Variants in FBXO25 observed in about 807,000 individuals in gnomAD.
The protein encoded by FBXO25 is F-box protein 25.
In FBXO25, 45 loss-of-function variants were observed where a neutral mutation model predicts 51.9. That is an observed-to-expected ratio of 0.87 (90% CI 0.68 to 1.11). The LOEUF is 1.11. FBXO25 is among the 50% of genes most tolerant of loss of function. The probability of loss-of-function intolerance (pLI) is 0.00; values close to 1 mark genes in which losing one functional copy is unlikely to be tolerated. For synonymous variants in FBXO25, 199 were observed against 151.0 expected (o/e 1.32, Z -2.33); for missense variants, 507 against 428.5 (o/e 1.18, Z -1.62).
rs917192160 is a variant in FBXO25 at position 470,981 on chromosome 8, G to C, written c.*2177G>C. 3 of 152,050 alleles carry C rather than the reference G, an allele frequency of 2.0e-5. No individual in the cohort carries two copies. Among genetic ancestry groups the C allele is most frequent in the Admixed American group, 6.5e-5 (1 of 15,280 alleles). The allele number at this position is 152,050 out of a possible 1,614,324, so 9.4% of individuals were successfully genotyped here. On this transcript the variant is annotated 3_prime_UTR_variant, in exon 10 of 10. Transcript: ENST00000350302. The stretch of plus-strand genomic sequence containing the variant: ...AAGTTGTGGTTCTTTCCCCTAATTT[G>C]TCATATACTGTTACTGTCATTTAAT...
intron 5 of FBXO25, among the ~76,000 whole-genome samples, chr8:438,623 C>G (rs1321400092): frequency 6.6e-6 from 1 of 152,184 alleles, no homozygotes; most frequent in African/African-American, 2.4e-5. Flanking sequence ...TGTTCACTGT[C>G]CAGGGGCAGA....
chr8:418,635 C>T lies in FBXO25; in HGVS notation c.134+5422C>T, dbSNP rs117211579. On this transcript the variant is annotated intron_variant, in intron 2 of 9. Transcript: ENST00000350302. ...GATTACATGCGTGAGCCACCGTTCC[C>T]GGCTTGTTTCTTTATTAAGTAAGAG... is the stretch of plus-strand genomic sequence containing the variant. Among the ~76,000 whole-genome samples, 1,277 of 152,232 alleles carry T rather than the reference C, an allele frequency of 8.4e-3. 8 individuals carry two copies. Among genetic ancestry groups the T allele is most frequent in the Non-Finnish European group, 0.014 (951 of 68,002 alleles).
chr8:456,101 A>T (rs191567040), intron 7 of FBXO25, among the ~76,000 whole-genome samples: 29 of 152,356 alleles, frequency 1.9e-4, no homozygotes, highest in African/African-American at 6.5e-4. Flanking sequence ...TCTGCTACAG[A>T]AATTTTTCTC....
intron 9 of FBXO25, among the ~76,000 whole-genome samples, chr8:466,069 G>GT (rs1452730376): frequency 6.6e-6 from 1 of 152,174 alleles, no homozygotes; most frequent in East Asian, 1.9e-4. Context: ...GCTACAGTGA[G>GT]TGGTCCCATC....
At chr8:431,630 T>G (rs1395210489) in intron 3 of FBXO25, among the ~76,000 whole-genome samples, 186 bp downstream of exon 3, 1 of 152,172 alleles carries the variant, frequency 6.6e-6, no homozygotes, top group East Asian at 1.9e-4. Context: ...GGGTAAGATG[T>G]GCAAAAACAA....
chr8:415,800 T>A (rs1796762212), intron 2 of FBXO25, among the ~76,000 whole-genome samples: 2 of 152,220 alleles, frequency 1.3e-5, no homozygotes, highest in Non-Finnish European at 2.9e-5. Context: ...AGAAATTGTA[T>A]GATTCCTATA....
rs1554451990 is a variant in FBXO25 at position 471,872 on chromosome 8, C to G, written c.*3068C>G. The G allele has an allele frequency of 2.0e-5, 3 of 152,186 alleles. No homozygotes were observed. Among genetic ancestry groups the G allele is most frequent in the Non-Finnish European group, 2.9e-5 (2 of 68,040 alleles). The allele number at this position is 152,186 out of a possible 1,614,324, so 9.4% of individuals were successfully genotyped here. A position where few individuals can be genotyped will look rare whatever the true frequency, so the allele number is the denominator to read the frequency against. On this transcript the variant is annotated 3_prime_UTR_variant, in exon 10 of 10. Transcript: ENST00000350302. The stretch of plus-strand genomic sequence containing the variant: ...CAGGGCTGTACACAGCAAACTGTGT[C>G]TACTTTATGGAAAAAATTTAACCAT...
chr8:431,424 G>C lies in FBXO25; in HGVS notation c.218G>C (p.Arg73Thr), dbSNP rs747507647. Residue 73 changes from arginine (R) to threonine (T), a missense_variant, in exon 3 of 10, where the codon AGA (arginine) becomes ACA (threonine). Arg to Thr is a moderately conservative substitution (Grantham distance 71, BLOSUM62 -1). Coordinates refer to ENST00000350302, the MANE Select transcript of FBXO25 (RefSeq NM_183420.2). Reference protein sequence around the residue: ...ASKKRKKDHFRNDTNTQSFYR... With the variant: ...ASKKRKKDHFTNDTNTQSFYR... ...AAAAAAAGGAAAAAGGACCATTTTA[G>C]AAATGACACAAATACTCAAAGTAAG... 5 of 1,530,466 alleles carry C rather than the reference G, an allele frequency of 3.3e-6. No homozygotes were observed. Among genetic ancestry groups the C allele is most frequent in the Non-Finnish European group, 4.4e-6 (5 of 1,133,088 alleles). The allele number at this position is 1,530,466 out of a possible 1,614,324, so 94.8% of individuals were successfully genotyped here.
chr8:412,381 C>G (rs1259807711), intron 1 of FBXO25, among the ~76,000 whole-genome samples: 1 of 152,182 alleles, frequency 6.6e-6, no homozygotes, highest in African/African-American at 2.4e-5. Flanking sequence ...AGTCTCTGCT[C>G]TTCTGTTTAT....
intron 5 of FBXO25, among the ~76,000 whole-genome samples, chr8:447,612 G>C (rs1390379253): frequency 6.6e-6 from 1 of 152,106 alleles, no homozygotes. Context: ...TTTAGATTTT[G>C]GATTTTTTCA....
chr8:426,866 G>A (rs925646520), intron 2 of FBXO25, among the ~76,000 whole-genome samples: 3 of 149,474 alleles, frequency 2.0e-5, no homozygotes, highest in Admixed American at 6.6e-5. Flanking sequence ...TGTAAGAAGG[G>A]TGTGTTAAGA....
intron 3 of FBXO25, among the ~76,000 whole-genome samples, chr8:432,307 A>C (rs1265692308): frequency 6.6e-6 from 1 of 152,176 alleles, no homozygotes; most frequent in Non-Finnish European, 1.5e-5. Flanking sequence ...GTGAGATTTC[A>C]TGACACCACC....
At chr8:430,354 G>T (rs988811450) in intron 2 of FBXO25, among the ~76,000 whole-genome samples, 5 of 152,080 alleles carry the variant, frequency 3.3e-5, no homozygotes, top group Non-Finnish European at 7.4e-5. Flanking sequence ...TTTCAAATGT[G>T]CTTTGCTTGT....
intron 5 of FBXO25, among the ~76,000 whole-genome samples, chr8:449,470 A>G (rs1268053230): frequency 6.6e-6 from 1 of 152,220 alleles, no homozygotes; most frequent in Non-Finnish European, 1.5e-5. Flanking sequence ...CTATTTAATA[A>G]TGAGTTTTTA....
chr8:422,259 G>C (rs1797202183), intron 2 of FBXO25, among the ~76,000 whole-genome samples: 1 of 152,258 alleles, frequency 6.6e-6, no homozygotes, highest in Admixed American at 6.5e-5. Context: ...ATTGGCAGCA[G>C]GTACCTGTGG....
chr8:462,518 A>C (rs1322251443), intron 8 of FBXO25, among the ~76,000 whole-genome samples: 1 of 152,152 alleles, frequency 6.6e-6, no homozygotes, highest in Non-Finnish European at 1.5e-5. Context: ...AATTTATTTG[A>C]TTTGTCACTT....
intron 1 of FBXO25, 149 bp from the exon 2 acceptor site, chr8:412,924 C>T (rs1034322611): frequency 3.9e-6 from 3 of 763,430 alleles, no homozygotes; most frequent in Non-Finnish European, 5.8e-6. Flanking sequence ...GTGTTATTGT[C>T]ACTGTCACCA....
At chr8:422,862 A>T (rs181646145) in intron 2 of FBXO25, among the ~76,000 whole-genome samples, 1 of 152,046 alleles carries the variant, frequency 6.6e-6, no homozygotes, top group African/African-American at 2.4e-5. Flanking sequence ...GGAGCTTTCT[A>T]TGGTGTCTTT....
intron 5 of FBXO25, among the ~76,000 whole-genome samples, chr8:442,345 A>G (rs902732204): frequency 6.6e-6 from 1 of 152,118 alleles, no homozygotes; most frequent in Non-Finnish European, 1.5e-5. Flanking sequence ...AGTAGGAACT[A>G]TTAAGATACT....
Sources: gnomAD v4.1 joint callset for allele counts (sites outside exome capture counted in the v4.1 genomes callset) on GRCh38, gnomAD v4.1.1 for gene constraint, MANE v1.5 for transcripts, NCBI Gene and HGNC (gene_info 2026-07-23, HGNC 2026-07-21) for gene names.